Variants in IGFBP7 observed in about 807,000 individuals in gnomAD.
IGFBP7 encodes insulin like growth factor binding protein 7.
In IGFBP7, 31 loss-of-function variants were observed where a neutral mutation model predicts 29.4. The observed-to-expected ratio is 1.05, with a 90% CI of 0.79 to 1.42. The LOEUF is 1.42. Ranked by LOEUF, IGFBP7 falls within the 40% of genes most tolerant of loss-of-function variation. IGFBP7 has a pLI of 0.00. For missense variants in IGFBP7, 393 were observed against 395.5 expected, an observed-to-expected ratio of 0.99 and a Z score of 0.05; for synonymous variants, 172 against 174.9, an observed-to-expected ratio of 0.98 and a Z score of 0.13.
chr4:57,074,217 C>T (rs890878223), intron 1 of IGFBP7, among the ~76,000 whole-genome samples: 9 of 152,292 alleles, frequency 5.9e-5, no homozygotes, highest in South Asian at 4.1e-4. Flanking sequence ...CGTGCCACCA[C>T]GCCTGGCTAA....
At chr4:57,078,313 G>A (rs1170837837) in intron 1 of IGFBP7, among the ~76,000 whole-genome samples, 2 of 152,088 alleles carry the variant, frequency 1.3e-5, no homozygotes, top group African/African-American at 4.8e-5. Context: ...GTGCTACAAG[G>A]CTCATAAATG....
At chr4:57,068,142 C>A (rs758247823) in intron 1 of IGFBP7, among the ~76,000 whole-genome samples, 3 of 151,962 alleles carry the variant, frequency 2.0e-5, no homozygotes, top group African/African-American at 7.3e-5. Flanking sequence ...GCCTGGGCAA[C>A]AGCCCTGTGT....
At chr4:57,048,347 C>T (rs1724417971) in intron 1 of IGFBP7, among the ~76,000 whole-genome samples, 1 of 152,178 alleles carries the variant, frequency 6.6e-6, no homozygotes, top group South Asian at 2.1e-4. Context: ...CAGCACCCGG[C>T]CTCCTTTGCC....
At chr4:57,071,345 G>T (rs10516163) in intron 1 of IGFBP7, among the ~76,000 whole-genome samples, 59,262 of 152,098 alleles carry the variant, frequency 0.39, 13,181 homozygotes, top group Admixed American at 0.54. Flanking sequence ...GTCTGCATGC[G>T]TTAGGAGAGC....
intron 1 of IGFBP7, among the ~76,000 whole-genome samples, chr4:57,042,495 A>G (rs535378786): frequency 1.4e-4 from 21 of 152,324 alleles, no homozygotes. Flanking sequence ...AGCTAGGACT[A>G]CAAGTGCATG....
At chr4:57,042,412 T>C (rs1216932472) in intron 1 of IGFBP7, among the ~76,000 whole-genome samples, 1 of 152,178 alleles carries the variant, frequency 6.6e-6, no homozygotes, top group Non-Finnish European at 1.5e-5. Flanking sequence ...TGCAGTGGCA[T>C]GATCTTGGCT....
intron 1 of IGFBP7, among the ~76,000 whole-genome samples, chr4:57,067,637 A>G (rs1311420771): frequency 6.6e-6 from 1 of 152,210 alleles, no homozygotes; most frequent in Non-Finnish European, 1.5e-5. Flanking sequence ...ACTGTACTGC[A>G]CACTTAAAAC....
At chr4:57,051,407 C>T (rs1313661389) in intron 1 of IGFBP7, among the ~76,000 whole-genome samples, 1 of 152,182 alleles carries the variant, frequency 6.6e-6, no homozygotes, top group Non-Finnish European at 1.5e-5. Flanking sequence ...CAGCATAGGC[C>T]AGATTTAATC....
intron 1 of IGFBP7, among the ~76,000 whole-genome samples, chr4:57,054,352 G>A (rs1307368654): frequency 3.9e-5 from 6 of 152,126 alleles, no homozygotes; most frequent in Non-Finnish European, 2.9e-5. Context: ...GATGTGCTTG[G>A]CTGGGCACGG....
intron 1 of IGFBP7, among the ~76,000 whole-genome samples, chr4:57,106,260 G>C (rs534097444): frequency 1.2e-4 from 19 of 152,196 alleles, no homozygotes; most frequent in African/African-American, 4.3e-4. Flanking sequence ...CAGGTAATGT[G>C]CCAATGTCAT....
intron 2 of IGFBP7, 68 bp from the exon 3 acceptor site, chr4:57,033,379 T>TC: frequency 1.0e-6 from 1 of 967,418 alleles, no homozygotes; most frequent in South Asian, 1.3e-5. Flanking sequence ...AGTGGCCACA[T>TC]CCCTACAATT....
chr4:57,072,645 G>T, intron 1 of IGFBP7: 1 of 113,140 alleles, frequency 8.8e-6, no homozygotes, highest in Non-Finnish European at 1.6e-5. Flanking sequence ...CGTTGCTGCT[G>T]CCTAGCCACC....
intron 1 of IGFBP7, among the ~76,000 whole-genome samples, chr4:57,070,806 T>C (rs774306396): frequency 6.6e-6 from 1 of 152,216 alleles, no homozygotes; most frequent in Non-Finnish European, 1.5e-5. Context: ...ATACAAGGGA[T>C]GTTCAGTGCA....
At chr4:57,059,372 A>G (rs1004100242) in intron 1 of IGFBP7, among the ~76,000 whole-genome samples, 5 of 152,228 alleles carry the variant, frequency 3.3e-5, no homozygotes, top group Non-Finnish European at 7.3e-5. Context: ...CAGATCGAAT[A>G]AAGAAAATGT....
At chr4:57,054,637 CACAA>C (rs1289468191) in intron 1 of IGFBP7, among the ~76,000 whole-genome samples, 5 of 125,876 alleles carry the variant, frequency 4.0e-5, no homozygotes, top group Admixed American at 8.1e-5. Context: ...GGCTCTCTCT[CACAA>C]AAAAAAAAAA....
intron 1 of IGFBP7, among the ~76,000 whole-genome samples, chr4:57,108,849 T>C (rs1726101335): frequency 6.6e-6 from 1 of 152,164 alleles, no homozygotes; most frequent in Non-Finnish European, 1.5e-5. Context: ...ACCCGGCCTA[T>C]TTCCTTATTT....
Position 57,075,162 on chromosome 4 carries a change from A to G in IGFBP7, c.476-34229T>C, listed in dbSNP as rs370737471. Among the ~76,000 whole-genome samples, 29 of 152,348 alleles carry G rather than the reference A, an allele frequency of 1.9e-4. No individual in the cohort carries two copies. The South Asian group carries it at 5.8e-3, about 30-fold the overall frequency. On this transcript the variant is annotated intron_variant, in intron 1 of 4. Coordinates refer to ENST00000295666, the MANE Select transcript of IGFBP7 (RefSeq NM_001553.3). The stretch of plus-strand genomic sequence containing the variant: ...AGACTTGAATCCATTTATTCATGCT[A>G]AAATGAGTATAGCTTTGGAAAGTCT...
At chr4:57,036,186 T>A (rs2109737940) in intron 2 of IGFBP7, among the ~76,000 whole-genome samples, 1 of 152,356 alleles carries the variant, frequency 6.6e-6, no homozygotes, top group Non-Finnish European at 1.5e-5. Context: ...AATAATTTAC[T>A]GGCACACTAT....
intron 1 of IGFBP7, among the ~76,000 whole-genome samples, chr4:57,100,588 C>CTTTTAGATG (rs753029489): frequency 2.6e-5 from 4 of 152,166 alleles, no homozygotes; most frequent in Non-Finnish European, 5.9e-5. Context: ...TGAAAGAGCT[C>CTTTTAGATG]TTTTAGATGT....
Sources: gnomAD v4.1 joint callset for allele counts (sites outside exome capture counted in the v4.1 genomes callset) on GRCh38, gnomAD v4.1.1 for gene constraint, MANE v1.5 for transcripts, NCBI Gene and HGNC (gene_info 2026-07-23, HGNC 2026-07-21) for gene names.